Variants in SPOCK2 observed in about 807,000 individuals in gnomAD.
SPOCK2 encodes SPARC (osteonectin), cwcv and kazal like domains proteoglycan 2.
In SPOCK2, 39 loss-of-function variants were observed where a neutral mutation model predicts 60.1. The observed-to-expected ratio is 0.65, with a 90% CI of 0.50 to 0.85. SPOCK2 has a LOEUF of 0.85. Ranked by LOEUF, SPOCK2 falls within the 40% of genes least tolerant of loss-of-function variation. The pLI, the probability that SPOCK2 is intolerant of heterozygous loss-of-function variation, is 0.00. For synonymous variants in SPOCK2, 217 were observed against 231.5 expected, an observed-to-expected ratio of 0.94 and a Z score of 0.57; for missense variants, 523 against 567.4, an observed-to-expected ratio of 0.92 and a Z score of 0.80.
At chr10:72,085,315 C>T (rs367695848) in intron 1 of SPOCK2, among the ~76,000 whole-genome samples, 126 of 152,272 alleles carry the variant, frequency 8.3e-4, no homozygotes, top group African/African-American at 2.7e-3. Flanking sequence ...GGCAGCCGGG[C>T]ACCCAGCATT....
chr10:72,069,359 C>G (rs899103367), intron 5 of SPOCK2: 6 of 152,390 alleles, frequency 3.9e-5, no homozygotes, highest in African/African-American at 1.4e-4. Context: ...GGCCCCTCAG[C>G]CCTGGCACCC....
chr10:72,086,643 G>C (rs1001773760), intron 1 of SPOCK2: 2 of 1,227,902 alleles, frequency 1.6e-6, no homozygotes, highest in African/African-American at 1.6e-5. Flanking sequence ...AAGGCCTCGC[G>C]GGGCTCCAGG....
Position 72,075,138 on chromosome 10 carries a change from C to T in SPOCK2, c.190-2228G>A, listed in dbSNP as rs11000166. 2.4e-3 allele frequency among the ~76,000 whole-genome samples: 373 copies of T among 152,280 alleles called. 2 individuals carry two copies. Among genetic ancestry groups the T allele is most frequent in the African/African-American group, 8.1e-3 (335 of 41,552 alleles). ...GAGCTCCTCAGGGTTCAGGGGTCCT[C>T]TGCTGGGGGTCCACCCCACAGGAGA... On this transcript the variant is annotated intron_variant, in intron 1 of 10. Coordinates refer to ENST00000373109, the MANE Select transcript of SPOCK2 (RefSeq NM_001244950.2).
chr10:72,087,060 C>A lies in SPOCK2; in HGVS notation c.189+1080G>T. 1 of 1,506,668 alleles carries A rather than the reference C, an allele frequency of 6.6e-7. No homozygotes were observed. The highest frequency in any genetic ancestry group is 8.9e-7 in the Non-Finnish European group (1 of 1,121,704). The allele number at this position is 1,506,668 out of a possible 1,614,324, so 93.3% of individuals were successfully genotyped here. On this transcript the variant is annotated intron_variant, in intron 1 of 10. Transcript: ENST00000373109. This position sits in a 1 kb window ranked among gnomAD's most constrained non-coding sequence, Gnocchi z 4.7. ...TCTGGGGTCAGGGCCGCGGTGAGCA[C>A]CAGGTCGCCAGGAGCAGCCGGCGTC...
rs566447401 is a variant in SPOCK2 at position 72,068,258 on chromosome 10, G to A, written c.518C>T (p.Ala173Val). The change falls in exon 6 of 11, where the codon GCG becomes GTG. Residue 173 changes from alanine to valine, a missense_variant. Physicochemically the swap from Ala to Val is moderately conservative, Grantham distance 64 (BLOSUM62 0). Coordinates refer to ENST00000373109, the MANE Select transcript of SPOCK2 (RefSeq NM_001244950.2). ...GGGGCAGGGGCCCTCGCATCGCACC[G>A]CCAGCTGCTTGCTGCTCAGGCACGC... ...QQACLSSKQL[A>V]VRCEGPCPCP... is the part of the protein sequence containing the mutation. 43 of 1,611,956 alleles carry A rather than the reference G, an allele frequency of 2.7e-5. No individual in the cohort carries two copies. In the East Asian group the frequency reaches 4.2e-4, roughly 16 times the overall value.
intron 1 of SPOCK2, among the ~76,000 whole-genome samples, chr10:72,085,261 A>G (rs1013378105): frequency 3.3e-5 from 5 of 152,114 alleles, no homozygotes; most frequent in African/African-American, 1.2e-4. Flanking sequence ...AGCCAGGCGG[A>G]GTCCACAATC....
At chr10:72,084,052 G>C (rs1301044138) in intron 1 of SPOCK2, among the ~76,000 whole-genome samples, 2 of 152,134 alleles carry the variant, frequency 1.3e-5, no homozygotes, top group Non-Finnish European at 1.5e-5. Flanking sequence ...TTAGCCGGCA[G>C]GTAACAATAT....
intron 4 of SPOCK2, among the ~76,000 whole-genome samples, chr10:72,071,206 T>C (rs111689419): frequency 1.3e-5 from 2 of 152,064 alleles, no homozygotes; most frequent in African/African-American, 4.8e-5. Context: ...TTTTTTTTTT[T>C]TGAGACGGAG....
At chr10:72,067,783 G>C (rs1840591106) in intron 6 of SPOCK2, 51 bp from the exon 7 acceptor site, 1 of 1,588,592 alleles carries the variant, frequency 6.3e-7, no homozygotes, top group South Asian at 1.1e-5. Context: ...GGAGCAGCAG[G>C]CTCGATCTCA....
Position 72,087,380 on chromosome 10 carries a change from T to C in SPOCK2, c.189+760A>G, listed in dbSNP as rs1840875004. On this transcript the variant is annotated intron_variant, in intron 1 of 10. Transcript: ENST00000373109. The surrounding 1 kb of genome is among the most constrained non-coding windows in gnomAD (Gnocchi z 4.7). ...GGGCCCCCAAACCCAGCTTCTGGAC[T>C]CTCCCCGGCTTCTCAAGCCCACCGG... Among the ~76,000 whole-genome samples, 1 of 151,736 alleles carries C rather than the reference T, an allele frequency of 6.6e-6. No homozygotes were observed. Among genetic ancestry groups the C allele is most frequent in the Non-Finnish European group, 1.5e-5 (1 of 67,912 alleles).
In SPOCK2 at chr10:72,078,669, TC is replaced by T. The variant is rs1199711513; in HGVS notation, c.190-5760del. The stretch of plus-strand genomic sequence containing the variant: ...TCTCCCTGGCTACCCCAGCTCCAGG[TC>T]CTTCCTGCAAGGTTCCAGCATGGCC... On this transcript the variant is annotated intron_variant, in intron 1 of 10. Transcript: ENST00000373109. 5.3e-5 allele frequency among the ~76,000 whole-genome samples: 8 copies of T among 152,282 alleles called. No homozygotes were observed. In the East Asian group the frequency reaches 1.5e-3, roughly 29 times the overall value.
chr10:72,084,888 T>C (rs1419686827), intron 1 of SPOCK2, among the ~76,000 whole-genome samples: 1 of 152,158 alleles, frequency 6.6e-6, no homozygotes, highest in Non-Finnish European at 1.5e-5. Flanking sequence ...GCTCACTGCA[T>C]CAGGGATTCA....
At position 72,063,107 on chromosome 10, in the gene SPOCK2, G is replaced by A. The variant is rs1188087518; in HGVS notation, c.1047C>T (p.Asp349=). The A allele has an allele frequency of 1.3e-6, 2 of 1,555,898 alleles. No individual in the cohort carries two copies. The highest frequency in any genetic ancestry group is 1.9e-5 in the Admixed American group (1 of 51,694). The part of the protein sequence containing the change: ...EDGYYRKMQC[D]QSSGDCWCVD... ...CACACCAGCAGTCACCGCTGCTCTGGTCACACTGCATCTTCCGGTAGTAGC... is the reference window on the plus strand; with the variant it reads ...CACACCAGCAGTCACCGCTGCTCTGATCACACTGCATCTTCCGGTAGTAGC... Residue 349 remains aspartate (D), a synonymous_variant, in exon 10 of 11, where the codon GAC becomes GAT. Transcript: ENST00000373109.
rs2131807318 is a variant in SPOCK2 at position 72,061,336 on chromosome 10, A to G, written c.*1424T>C. ...TCCCTCTGACTTCTCACTTTTCCAC[A>G]TTGCAGGCTTCAAAACAGAGCTTGG... On this transcript the variant is annotated 3_prime_UTR_variant, in exon 11 of 11. Coordinates refer to ENST00000373109, the MANE Select transcript of SPOCK2 (RefSeq NM_001244950.2). The G allele has an allele frequency of 1.3e-5, 2 of 152,426 alleles. No individual in the cohort carries two copies. Among genetic ancestry groups the G allele is most frequent in the South Asian group, 4.1e-4 (2 of 4,824 alleles). 9.4% of individuals were successfully genotyped at this position (152,426 alleles called of 1,614,324 possible).
At chr10:72,072,988 G>A in intron 1 of SPOCK2, 78 bp from the exon 2 acceptor site, 17 of 1,547,630 alleles carry the variant, frequency 1.1e-5, no homozygotes, top group Non-Finnish European at 1.4e-5. Context: ...ATATCAGTGT[G>A]AGGCCCTCTG....
rs1840881618 is a variant in SPOCK2, at chr10:72,087,797, G to C, written c.189+343C>G. 6.6e-6 allele frequency among the ~76,000 whole-genome samples: 1 copy of C among 152,120 alleles called. No individual in the cohort carries two copies. The highest frequency in any genetic ancestry group is 1.5e-5 in the Non-Finnish European group (1 of 68,004). ...CTCGCACAACGCAGCTGGGGACCGG[G>C]TCGGGGTCCAGCGGCAGCCGGGGTC... is the stretch of plus-strand genomic sequence containing the variant. On this transcript the variant is annotated intron_variant, in intron 1 of 10. Coordinates refer to ENST00000373109, the MANE Select transcript of SPOCK2 (RefSeq NM_001244950.2). This position sits in a 1 kb window ranked among gnomAD's most constrained non-coding sequence, Gnocchi z 4.7.
chr10:72,078,520 A>C (rs530260114), intron 1 of SPOCK2, among the ~76,000 whole-genome samples: 3 of 151,980 alleles, frequency 2.0e-5, no homozygotes, highest in East Asian at 3.9e-4. Flanking sequence ...CAAAAAAATA[A>C]AGAAATAAAT....
At chr10:72,063,200 C>T (rs1350838499) in intron 9 of SPOCK2, 38 bp from the exon 10 acceptor site, 1 of 1,550,612 alleles carries the variant, frequency 6.4e-7, no homozygotes. Context: ...AGAGCAGGGG[C>T]CCAGGCTGTG....
At position 72,070,400 on chromosome 10, in the gene SPOCK2, T is replaced by A. The variant is rs371405791; in HGVS notation, c.386A>T (p.His129Leu). The A allele has an allele frequency of 6.2e-7, 1 of 1,614,112 alleles. No individual in the cohort carries two copies. The highest frequency in any genetic ancestry group is 1.3e-5 in the African/African-American group (1 of 75,046). ...HRIKQPTVKL[H>L]GNKDSICKPC... is the part of the protein sequence containing the mutation. ...CTTGCAGATGGAGTCTTTGTTTCCA[T>A]GGAGTTTCACGGTCGGCTGCTTGAT... Residue 129 changes from histidine to leucine, a missense_variant, in exon 5 of 11, where the codon CAT becomes CTT. Coordinates refer to ENST00000373109, the MANE Select transcript of SPOCK2 (RefSeq NM_001244950.2).
Sources: allele counts gnomAD v4.1 joint callset (sites outside exome capture counted in the v4.1 genomes callset), GRCh38; gene constraint gnomAD v4.1.1; non-coding constraint Gnocchi (gnomAD v3.1); transcripts MANE v1.5; gene names NCBI Gene and HGNC (gene_info 2026-07-23, HGNC 2026-07-21).